TBPL1: variants seen among roughly 807,000 people sequenced by gnomAD.
TBPL1 encodes TATA box-binding protein-like 1.
TBPL1 carries 4 observed loss-of-function variants against 22.1 expected under a neutral mutation model. The ratio of observed to expected loss-of-function variants is 0.18; its 90% CI spans 0.09 to 0.41. The LOEUF (loss-of-function observed/expected upper bound fraction) is 0.41. Among genes scored for constraint, TBPL1 ranks in the 10% least tolerant of loss-of-function variants. TBPL1 has a pLI of 1.00. For missense variants in TBPL1, 115 were observed against 222.3 expected (o/e 0.52, Z 3.07); for synonymous variants, 64 against 71.0 (o/e 0.90, Z 0.50).
chr6:133,982,784 A>G lies in TBPL1; in HGVS notation c.219-33A>G, dbSNP rs372200262. 2.5e-5 allele frequency: 40 copies of G among 1,603,270 alleles called. No individual in the cohort carries two copies. The African/African-American group carries it at 5.4e-4, about 22-fold the overall frequency. ...CAGTATAACATTTATTTCCTGTGTA[A>G]CTGATAATCTTTTTCTTTCCTTAAA... On this transcript the variant is annotated intron_variant, in intron 3 of 6. Transcript: ENST00000237264.
chr6:133,952,755 A>G (rs1775854159), upstream of TBPL1: 1 of 152,100 alleles, frequency 6.6e-6, no homozygotes, highest in African/African-American at 2.4e-5. This position sits in a 1 kb window ranked among gnomAD's most constrained non-coding sequence, Gnocchi z 4.5. Flanking sequence ...TAGCAATTAT[A>G]TAATGGGGGG....
At chr6:133,984,211 C>G (rs1776467141) in intron 4 of TBPL1, among the ~76,000 whole-genome samples, 165 bp from the exon 5 acceptor site, 1 of 152,086 alleles carries the variant, frequency 6.6e-6, no homozygotes, top group Non-Finnish European at 1.5e-5. Flanking sequence ...TTTTAAAAAA[C>G]TGAATTAAAG....
intron 1 of TBPL1, among the ~76,000 whole-genome samples, chr6:133,979,584 A>G (rs1273900674): frequency 6.6e-6 from 1 of 152,208 alleles, no homozygotes; most frequent in African/African-American, 2.4e-5. Flanking sequence ...AGATTTTGAA[A>G]TATATTAGAT....
At chr6:133,985,700 GTT>G (rs937965905) in intron 6 of TBPL1, among the ~76,000 whole-genome samples, 1 of 152,044 alleles carries the variant, frequency 6.6e-6, no homozygotes, top group African/African-American at 2.4e-5. Flanking sequence ...CTTGAGCTTT[GTT>G]TTTTCTTTCT....
intron 1 of TBPL1, among the ~76,000 whole-genome samples, chr6:133,976,990 A>G (rs1776325705): frequency 6.6e-6 from 1 of 152,034 alleles, no homozygotes; most frequent in Admixed American, 6.6e-5. Flanking sequence ...AAAGAAAAAA[A>G]AGAAATTGAG....
chr6:133,973,262 A>G (rs1776256078), intron 1 of TBPL1, among the ~76,000 whole-genome samples: 1 of 152,156 alleles, frequency 6.6e-6, no homozygotes, highest in Non-Finnish European at 1.5e-5. Flanking sequence ...GTGTTTGCAA[A>G]TCGGTCTATT....
chr6:133,984,157 G>T (rs527554652), intron 4 of TBPL1, among the ~76,000 whole-genome samples: 1 of 152,170 alleles, frequency 6.6e-6, no homozygotes, highest in Admixed American at 6.5e-5. Flanking sequence ...TTTTGATCAT[G>T]CAAATACCTC....
chr6:133,986,933 A>C (rs1313904005), intron 6 of TBPL1, 28 bp from the exon 7 acceptor site: 1 of 1,525,980 alleles, frequency 6.6e-7, no homozygotes, highest in Non-Finnish European at 8.9e-7. Context: ...AACTCTTCTC[A>C]CTCCTTCCTC....
At chr6:133,975,412 A>C (rs1776296558) in intron 1 of TBPL1, among the ~76,000 whole-genome samples, 1 of 152,210 alleles carries the variant, frequency 6.6e-6, no homozygotes, top group Admixed American at 6.5e-5. Flanking sequence ...GTTTAAATTC[A>C]ATCTAATTTA....
chr6:133,954,523 C>A (rs1035562755), intron 1 of TBPL1, among the ~76,000 whole-genome samples: 1 of 152,296 alleles, frequency 6.6e-6, no homozygotes, highest in East Asian at 1.9e-4. Flanking sequence ...GTTTATGTTA[C>A]CTCTTTAGTC....
At chr6:133,967,772 A>G (rs1324736542) in intron 1 of TBPL1, among the ~76,000 whole-genome samples, 1 of 152,222 alleles carries the variant, frequency 6.6e-6, no homozygotes, top group Non-Finnish European at 1.5e-5. Flanking sequence ...CTGTGTTTGA[A>G]AAGTTCACCC....
intron 1 of TBPL1, among the ~76,000 whole-genome samples, chr6:133,975,094 A>G (rs1329951831): frequency 2.0e-5 from 3 of 152,168 alleles, no homozygotes; most frequent in Non-Finnish European, 4.4e-5. Flanking sequence ...GAAGGAAACA[A>G]TGGACATGGG....
intron 2 of TBPL1, 78 bp from the exon 3 acceptor site, chr6:133,982,490 C>A: frequency 1.6e-6 from 2 of 1,250,808 alleles, no homozygotes; most frequent in South Asian, 1.5e-5. Context: ...AGTATTTGGA[C>A]ATTAATATGA....
chr6:133,979,436 G>T (rs140526503), intron 1 of TBPL1, among the ~76,000 whole-genome samples: 1 of 152,128 alleles, frequency 6.6e-6, no homozygotes, highest in African/African-American at 2.4e-5. Context: ...ACCCTTGAAC[G>T]TGGTGCATTT....
intron 1 of TBPL1, among the ~76,000 whole-genome samples, chr6:133,973,082 T>G (rs1162481026): frequency 1.3e-5 from 2 of 152,246 alleles, no homozygotes; most frequent in Non-Finnish European, 2.9e-5. Context: ...TCATCCTGAT[T>G]CTAGGCATGT....
chr6:133,990,044 A>C lies in TBPL1; in HGVS notation c.*3004A>C, dbSNP rs137986710. The C allele has an allele frequency of 2.6e-5, 4 of 152,660 alleles. No homozygotes were observed. In the Admixed American group the frequency reaches 2.6e-4, roughly 10 times the overall value. The allele number at this position is 152,660 out of a possible 1,614,324, so 9.5% of individuals were successfully genotyped here. A position where few individuals can be genotyped will look rare whatever the true frequency, so the allele number is the denominator to read the frequency against. ...ACCTCTTAACAAGTCTTTAAAATCA[A>C]CTGGAGAAGTAAGAGAACAGTTCAT... On this transcript the variant is annotated 3_prime_UTR_variant, in exon 7 of 7. Transcript: ENST00000237264.
At chr6:133,986,410 T>A (rs1340008139) in intron 6 of TBPL1, among the ~76,000 whole-genome samples, 3 of 152,242 alleles carry the variant, frequency 2.0e-5, no homozygotes, top group Non-Finnish European at 2.9e-5. Flanking sequence ...GTGCTTTTTT[T>A]GTTTTCTATT....
chr6:133,960,509 C>T (rs773168562), intron 1 of TBPL1, among the ~76,000 whole-genome samples: 11 of 150,478 alleles, frequency 7.3e-5, no homozygotes, highest in Middle Eastern at 6.9e-3. Context: ...GTGCGCAGTA[C>T]AAAACAACTT....
At chr6:133,958,907 T>G (rs1186371632) in intron 1 of TBPL1, among the ~76,000 whole-genome samples, 1 of 152,230 alleles carries the variant, frequency 6.6e-6, no homozygotes, top group Non-Finnish European at 1.5e-5. Context: ...CTAAGGAGGT[T>G]GGCAAATATG....
Sources: gnomAD v4.1 joint callset for allele counts (sites outside exome capture counted in the v4.1 genomes callset) on GRCh38, gnomAD v4.1.1 for gene constraint, Gnocchi (gnomAD v3.1) non-coding constraint, MANE v1.5 for transcripts, NCBI Gene and HGNC (gene_info 2026-07-23, HGNC 2026-07-21) for gene names.